The following THRB variants were observed in gnomAD, a reference collection of about 807,000 sequenced individuals.
THRB encodes the protein thyroid hormone receptor beta.
A neutral mutation model predicts 47.8 loss-of-function variants in THRB; 12 were observed. That is an observed-to-expected ratio of 0.25 (90% CI 0.16 to 0.41). The LOEUF (loss-of-function observed/expected upper bound fraction) is 0.41. Among genes scored for constraint, THRB ranks in the 10% least tolerant of loss-of-function variants. The probability of loss-of-function intolerance (pLI) is 1.00; values close to 1 mark genes in which losing one functional copy is unlikely to be tolerated. For synonymous variants in THRB, 218 were observed against 212.2 expected, an observed-to-expected ratio of 1.03 and a Z score of -0.24; for missense variants, 348 against 589.2, an observed-to-expected ratio of 0.59 and a Z score of 4.24.
chr3:24,285,537 C>G (rs2055184672), intron 3 of THRB, among the ~76,000 whole-genome samples: 1 of 151,192 alleles, frequency 6.6e-6, no homozygotes, highest in Non-Finnish European at 1.5e-5. Context: ...ACATATGTAA[C>G]TAACCTGCAC....
At chr3:24,320,074 T>A (rs774527512) in intron 2 of THRB, among the ~76,000 whole-genome samples, 2 of 152,172 alleles carry the variant, frequency 1.3e-5, no homozygotes, top group Non-Finnish European at 2.9e-5. Flanking sequence ...TTCAGTCAAG[T>A]CATTGCTTCG....
At chr3:24,415,491 T>G (rs1363162320) in intron 1 of THRB, among the ~76,000 whole-genome samples, 2 of 151,872 alleles carry the variant, frequency 1.3e-5, no homozygotes, top group Non-Finnish European at 2.9e-5. Flanking sequence ...TCAAGTTAAC[T>G]GTTTCTGCCT....
intron 3 of THRB, among the ~76,000 whole-genome samples, chr3:24,281,430 G>A (rs1020193818): frequency 5.9e-5 from 9 of 152,076 alleles, no homozygotes; most frequent in Non-Finnish European, 1.2e-4. Context: ...AAGAGCTCCT[G>A]AAGGAAGTGC....
At chr3:24,302,721 G>C (rs528634239) in intron 2 of THRB, among the ~76,000 whole-genome samples, 223 of 152,282 alleles carry the variant, frequency 1.5e-3, no homozygotes, top group African/African-American at 5.1e-3. Context: ...CTCTGGCTTT[G>C]TATTTTTCCC....
chr3:24,336,425 T>C (rs1346976092), intron 2 of THRB, among the ~76,000 whole-genome samples: 1 of 152,208 alleles, frequency 6.6e-6, no homozygotes, highest in Non-Finnish European at 1.5e-5. Flanking sequence ...AATGTCACCT[T>C]ATTACCAAAA....
chr3:24,178,055 G>T (rs2041401483), intron 5 of THRB, among the ~76,000 whole-genome samples: 1 of 151,982 alleles, frequency 6.6e-6, no homozygotes, highest in African/African-American at 2.4e-5. Flanking sequence ...ATGTCACAGG[G>T]GACAGAGAAA....
At chr3:24,479,155 T>A (rs945348212) in intron 1 of THRB, among the ~76,000 whole-genome samples, 3 of 151,824 alleles carry the variant, frequency 2.0e-5, no homozygotes, top group African/African-American at 2.4e-5. Context: ...AAAAAAAATT[T>A]GCCTGGCGTG....
Position 24,282,729 on chromosome 3 carries a change from G to A in THRB, c.-43+14497C>T, listed in dbSNP as rs574707967. On this transcript the variant is annotated intron_variant, in intron 3 of 10. Coordinates refer to ENST00000646209, the MANE Select transcript of THRB (RefSeq NM_001354712.2). ...AAAAAGAGAGAACAATCAAATAGAC[G>A]CAATAAAAAATGATAAAGAGGATAT... 5.7e-3 allele frequency among the ~76,000 whole-genome samples: 854 copies of A among 149,154 alleles called. 2 individuals are homozygous for A. Among genetic ancestry groups the A allele is most frequent in the Non-Finnish European group, 7.6e-3 (517 of 67,838 alleles).
intron 5 of THRB, among the ~76,000 whole-genome samples, chr3:24,188,644 C>T (rs2042908646): frequency 6.6e-6 from 1 of 151,950 alleles, no homozygotes; most frequent in African/African-American, 2.4e-5. Flanking sequence ...TCACCGTAAA[C>T]TGACATGGTT....
chr3:24,144,632 A>G (rs1280832247), intron 7 of THRB: 3 of 152,226 alleles, frequency 2.0e-5, no homozygotes, highest in Non-Finnish European at 4.4e-5. Flanking sequence ...AAACCGTTTC[A>G]CTAGACTTGG....
intron 1 of THRB, among the ~76,000 whole-genome samples, chr3:24,408,197 AAAG>A (rs1257923149): frequency 6.6e-6 from 1 of 151,874 alleles, no homozygotes; most frequent in Non-Finnish European, 1.5e-5. Flanking sequence ...CTCAACCATT[AAAG>A]GTTTGTCAGC....
At chr3:24,212,760 C>A (rs1197262354) in intron 4 of THRB, among the ~76,000 whole-genome samples, 2 of 152,060 alleles carry the variant, frequency 1.3e-5, no homozygotes, top group South Asian at 4.2e-4. Context: ...GCTGAGACAG[C>A]CTGGGAGAAA....
intron 1 of THRB, among the ~76,000 whole-genome samples, chr3:24,388,776 C>T (rs1157418707): frequency 1.3e-5 from 2 of 152,062 alleles, no homozygotes; most frequent in Non-Finnish European, 2.9e-5. Context: ...GGATTCCCAT[C>T]CCTAACCTCA....
At chr3:24,476,281 T>TG (rs1183528257) in intron 1 of THRB, among the ~76,000 whole-genome samples, 1 of 152,208 alleles carries the variant, frequency 6.6e-6, no homozygotes, top group African/African-American at 2.4e-5. Flanking sequence ...AAGAGCAACT[T>TG]GGTTTTCTTT....
At chr3:24,471,465 A>C (rs4353759) in intron 1 of THRB, among the ~76,000 whole-genome samples, 40,102 of 152,146 alleles carry the variant, frequency 0.26, 5,630 homozygotes, top group East Asian at 0.36. Flanking sequence ...CCTCCAACAT[A>C]TATCTAATGC....
At chr3:24,384,699 T>C (rs1445910066) in intron 1 of THRB, among the ~76,000 whole-genome samples, 2 of 152,146 alleles carry the variant, frequency 1.3e-5, no homozygotes, top group African/African-American at 2.4e-5. Context: ...ACAAGGGACC[T>C]CTGGAAAAAA....
chr3:24,372,153 G>A (rs928526663), intron 1 of THRB, among the ~76,000 whole-genome samples: 8 of 152,048 alleles, frequency 5.3e-5, no homozygotes, highest in African/African-American at 1.9e-4. Context: ...AAATATTTAG[G>A]AGTAGGAGTA....
intron 3 of THRB, among the ~76,000 whole-genome samples, chr3:24,273,479 CAGAA>C (rs1271492188): frequency 6.6e-6 from 1 of 152,128 alleles, no homozygotes; most frequent in Non-Finnish European, 1.5e-5. Context: ...TTGTGCCTGT[CAGAA>C]AGAGTGGTCC....
chr3:24,285,682 T>C (rs1226209034), intron 3 of THRB, among the ~76,000 whole-genome samples: 1 of 152,162 alleles, frequency 6.6e-6, no homozygotes, highest in East Asian at 1.9e-4. Flanking sequence ...TAACTTCCTA[T>C]GTCTCAAATT....
Sources: gnomAD v4.1 joint callset for allele counts (sites outside exome capture counted in the v4.1 genomes callset) on GRCh38, gnomAD v4.1.1 for gene constraint, MANE v1.5 for transcripts, NCBI Gene and HGNC (gene_info 2026-07-23, HGNC 2026-07-21) for gene names.